The following SYN3 variants were observed in gnomAD, a reference collection of about 807,000 sequenced individuals.
The protein encoded by SYN3 is synapsin III.
SYN3 carries 35 observed loss-of-function variants against 65.8 expected under a neutral mutation model. That is an observed-to-expected ratio of 0.53 (90% CI 0.41 to 0.70). The LOEUF (loss-of-function observed/expected upper bound fraction) is 0.70. SYN3 is among the 30% of genes least tolerant of loss of function. The pLI is 0.00. For synonymous variants in SYN3, 270 were observed against 292.9 expected (o/e 0.92, Z 0.80); for missense variants, 680 against 749.0 (o/e 0.91, Z 1.08).
intron 7 of SYN3, among the ~76,000 whole-genome samples, chr22:32,559,697 G>A (rs887587457): frequency 1.3e-5 from 2 of 152,064 alleles, no homozygotes; most frequent in Non-Finnish European, 2.9e-5. Context: ...GCGTGGCGGC[G>A]GGTGGCGCCT....
At chr22:32,995,583 TG>T (rs2052854809) in intron 2 of SYN3, among the ~76,000 whole-genome samples, 1 of 152,124 alleles carries the variant, frequency 6.6e-6, no homozygotes, top group East Asian at 1.9e-4. Flanking sequence ...ACCACAGGGC[TG>T]ATCAAACCCA....
intron 10 of SYN3, among the ~76,000 whole-genome samples, chr22:32,530,738 C>T (rs1003556259): frequency 9.9e-5 from 15 of 152,100 alleles, no homozygotes; most frequent in South Asian, 4.1e-4. Context: ...GGCGCGGTGG[C>T]TCACGCCTGT....
chr22:33,034,188 A>G (rs1182744130), intron 1 of SYN3, among the ~76,000 whole-genome samples: 1 of 144,364 alleles, frequency 6.9e-6, no homozygotes, highest in Non-Finnish European at 1.5e-5. Context: ...TCTGTGTTAA[A>G]AAAAAACACA....
intron 6 of SYN3, among the ~76,000 whole-genome samples, chr22:32,773,410 A>G (rs1185923945): frequency 3.2e-3 from 50 of 15,864 alleles, no homozygotes; most frequent in Non-Finnish European, 4.2e-3. Flanking sequence ...CTGTCTCAAA[A>G]AAAAAAAAAA....
intron 6 of SYN3, among the ~76,000 whole-genome samples, chr22:32,818,451 T>C (rs2047146371): frequency 2.0e-5 from 3 of 152,188 alleles, no homozygotes; most frequent in Admixed American, 2.0e-4. Context: ...TTCTGCTGTG[T>C]GATTCTGGTT....
intron 1 of SYN3, among the ~76,000 whole-genome samples, chr22:33,039,376 C>CT (rs59092244): frequency 0.11 from 14,938 of 135,180 alleles, 1,120 homozygotes; most frequent in East Asian, 0.33. Flanking sequence ...TCAAATGTGA[C>CT]TTTTTTTTTT....
At chr22:32,583,855 T>C (rs917396766) in intron 7 of SYN3, 2 of 152,220 alleles carry the variant, frequency 1.3e-5, no homozygotes, top group Non-Finnish European at 2.9e-5. Context: ...CGAATTGATT[T>C]ATATCCCCAT....
At chr22:32,548,251 C>T (rs2058362399) in intron 7 of SYN3, among the ~76,000 whole-genome samples, 1 of 152,242 alleles carries the variant, frequency 6.6e-6, no homozygotes, top group South Asian at 2.1e-4. Flanking sequence ...CATGGGGTTT[C>T]ACCATGTTGG....
At chr22:32,986,494 G>C (rs928743886) in intron 2 of SYN3, among the ~76,000 whole-genome samples, 2 of 152,168 alleles carry the variant, frequency 1.3e-5, no homozygotes, top group Admixed American at 1.3e-4. Flanking sequence ...CCCCCGCCTG[G>C]CTGCAAGTCA....
At chr22:32,515,742 G>T (rs1601537874) in intron 13 of SYN3, among the ~76,000 whole-genome samples, 1 of 152,050 alleles carries the variant, frequency 6.6e-6, no homozygotes, top group East Asian at 1.9e-4. Flanking sequence ...TAGTACAATG[G>T]TACAGCGGAA....
chr22:32,850,874 CACGGTG>C (rs1428120718), intron 6 of SYN3, among the ~76,000 whole-genome samples: 3 of 152,172 alleles, frequency 2.0e-5, no homozygotes, highest in Admixed American at 2.0e-4. Flanking sequence ...TGACGCAGCC[CACGGTG>C]GTACCCAACC....
At chr22:32,918,331 TA>T (rs1569325998) in intron 4 of SYN3, among the ~76,000 whole-genome samples, 1 of 152,156 alleles carries the variant, frequency 6.6e-6, no homozygotes, top group South Asian at 2.1e-4. Context: ...GGAAGAGCAG[TA>T]AGACCAGAAC....
At chr22:33,021,983 C>A (rs992864525) in intron 1 of SYN3, among the ~76,000 whole-genome samples, 2 of 152,094 alleles carry the variant, frequency 1.3e-5, no homozygotes, top group African/African-American at 4.8e-5. Context: ...GTTAAACTAT[C>A]TTCACTTGTT....
intron 6 of SYN3, among the ~76,000 whole-genome samples, chr22:32,808,136 T>C (rs1379715158): frequency 6.6e-6 from 1 of 152,186 alleles, no homozygotes; most frequent in Non-Finnish European, 1.5e-5. Flanking sequence ...GATAGCTTTA[T>C]GTATTTATTT....
intron 3 of SYN3, among the ~76,000 whole-genome samples, chr22:32,939,809 T>G (rs1478598984): frequency 1.3e-5 from 2 of 152,234 alleles, no homozygotes; most frequent in Non-Finnish European, 1.5e-5. Context: ...AAAGAGCTGC[T>G]ATGCACCTTC....
chr22:32,706,029 C>T (rs2060876330), intron 6 of SYN3, among the ~76,000 whole-genome samples: 1 of 152,310 alleles, frequency 6.6e-6, no homozygotes, highest in Admixed American at 6.5e-5. Flanking sequence ...GACTTCCTTT[C>T]TTCCTATTTG....
intron 6 of SYN3, among the ~76,000 whole-genome samples, chr22:32,691,277 T>G (rs2060658214): frequency 6.6e-6 from 1 of 152,046 alleles, no homozygotes; most frequent in South Asian, 2.1e-4. Flanking sequence ...GCGCTGTGCT[T>G]GTCATATTGG....
intron 3 of SYN3, among the ~76,000 whole-genome samples, chr22:32,960,415 C>G (rs1320512557): frequency 6.6e-6 from 1 of 152,158 alleles, no homozygotes; most frequent in Non-Finnish European, 1.5e-5. Context: ...CACTCCTCCC[C>G]ACAAATTCAC....
chr22:32,845,641 G>A (rs776483177), intron 6 of SYN3, among the ~76,000 whole-genome samples: 7 of 152,166 alleles, frequency 4.6e-5, no homozygotes, highest in Non-Finnish European at 8.8e-5. Context: ...TTTGATTGTT[G>A]GGGGCACTGG....
Sources: allele counts gnomAD v4.1 joint callset (sites outside exome capture counted in the v4.1 genomes callset), GRCh38; gene constraint gnomAD v4.1.1; transcripts MANE v1.5; gene names NCBI Gene and HGNC (gene_info 2026-07-23, HGNC 2026-07-21).